Variants in TIGIT observed in about 807,000 individuals in gnomAD.
TIGIT encodes the protein T cell immunoreceptor with Ig and ITIM domains, also known as T-cell immunoreceptor with Ig and ITIM domains.
Under a neutral mutation model 19.6 loss-of-function variants are expected in TIGIT, and 11 were observed. The observed-to-expected ratio is 0.56, with a 90% CI of 0.35 to 0.93. The LOEUF (loss-of-function observed/expected upper bound fraction) is 0.93. Ranked by LOEUF, TIGIT falls within the 40% of genes least tolerant of loss-of-function variation. The pLI is 0.01. For synonymous variants in TIGIT, 130 were observed against 125.5 expected, an observed-to-expected ratio of 1.04 and a Z score of -0.24; for missense variants, 295 against 303.9, an observed-to-expected ratio of 0.97 and a Z score of 0.22.
chr3:114,294,228 G>C, intron 1 of TIGIT, 106 bp downstream of exon 1: 1 of 847,972 alleles, frequency 1.2e-6, no homozygotes, highest in South Asian at 1.8e-5. Flanking sequence ...TGCCACAGCT[G>C]CTTGAGAGAA....
At chr3:114,307,429 T>TGG (rs2078542781) in intron 3 of TIGIT, 2 of 171,330 alleles carry the variant, frequency 1.2e-5, no homozygotes, top group African/African-American at 4.8e-5. Context: ...AGCAGAACCC[T>TGG]GGGGAACCCC....
chr3:114,307,418 G>A (rs574006247), intron 3 of TIGIT, among the ~76,000 whole-genome samples: 34 of 152,298 alleles, frequency 2.2e-4, no homozygotes, highest in Admixed American at 1.3e-3. Context: ...AGAAAGCAGA[G>A]AGCAGAACCC....
intron 3 of TIGIT, among the ~76,000 whole-genome samples, chr3:114,300,810 T>C (rs1384581215): frequency 6.6e-6 from 1 of 152,108 alleles, no homozygotes; most frequent in East Asian, 1.9e-4. Flanking sequence ...ACTCCCATGA[T>C]ACCTAACCCA....
chr3:114,295,810 C>G lies in TIGIT; in HGVS notation c.327C>G (p.Ile109Met). Residue 109 changes from isoleucine (I) to methionine (M), a missense_variant, in exon 2 of 4, where the codon ATC becomes ATG. Transcript: ENST00000383671. Reference sequence around the variant, plus strand: ...ACGATACAGGGGAGTACTTCTGCATCTATCACACCTACCCTGATGGGACGT... The same window carrying G: ...ACGATACAGGGGAGTACTTCTGCATGTATCACACCTACCCTGATGGGACGT... ...TVNDTGEYFCIYHTYPDGTYT... is the reference protein window; with the variant it reads ...TVNDTGEYFCMYHTYPDGTYT... 6.2e-7 allele frequency: 1 copy of G among 1,614,174 alleles called. No individual in the cohort carries two copies. The highest frequency in any genetic ancestry group is 1.1e-5 in the South Asian group (1 of 91,068).
At chr3:114,305,827 TGGTTGGA>T in intron 3 of TIGIT, among the ~76,000 whole-genome samples, 2 of 149,406 alleles carry the variant, frequency 1.3e-5, no homozygotes, top group African/African-American at 4.9e-5. Flanking sequence ...GATGGATGGA[TGGTTGGA>T]TGGATGGATG....
At chr3:114,295,384 CAG>C (rs769284317) in intron 1 of TIGIT, among the ~76,000 whole-genome samples, 159 bp from the exon 2 acceptor site, 6 of 152,098 alleles carry the variant, frequency 3.9e-5, no homozygotes, top group Non-Finnish European at 7.4e-5. Context: ...ATGGAAGAAA[CAG>C]GAAATAATTA....
intron 2 of TIGIT, among the ~76,000 whole-genome samples, chr3:114,298,578 T>A (rs2078469938): frequency 6.6e-6 from 1 of 152,216 alleles, no homozygotes; most frequent in Admixed American, 6.5e-5. Flanking sequence ...GTGCTTTCCA[T>A]CTGTCCTCTT....
chr3:114,296,301 A>G (rs1003950366), intron 2 of TIGIT, among the ~76,000 whole-genome samples: 14 of 152,262 alleles, frequency 9.2e-5, no homozygotes, highest in African/African-American at 3.4e-4. Context: ...GTTTAATTGT[A>G]CAGTAATTTA....
In TIGIT at chr3:114,310,268, T is replaced by C. The variant is rs1190431494; in HGVS notation, c.*2137T>C. ...ATGATAATATTTTGGATGTATTGGG[T>C]GAAATAAAATATTAACATTAGTTTC... On this transcript the variant is annotated 3_prime_UTR_variant, in exon 4 of 4. Transcript: ENST00000383671. The C allele has an allele frequency of 6.6e-6, 1 of 152,214 alleles. No individual in the cohort carries two copies. Among genetic ancestry groups the C allele is most frequent in the Non-Finnish European group, 1.5e-5 (1 of 68,042 alleles). The allele number at this position is 152,214 out of a possible 1,614,324, so 9.4% of individuals were successfully genotyped here.
At chr3:114,306,314 C>T (rs2078534562) in intron 3 of TIGIT, among the ~76,000 whole-genome samples, 1 of 152,164 alleles carries the variant, frequency 6.6e-6, no homozygotes, top group Non-Finnish European at 1.5e-5. Context: ...ACTGACATGC[C>T]AATCTCCTTT....
intron 3 of TIGIT, among the ~76,000 whole-genome samples, chr3:114,305,769 A>G (rs1436662025): frequency 6.6e-6 from 1 of 150,764 alleles, no homozygotes; most frequent in African/African-American, 2.4e-5. Context: ...GACAGAACCA[A>G]TAGGAGATAT....
At chr3:114,294,232 G>T in intron 1 of TIGIT, 110 bp downstream of exon 1, 1 of 829,938 alleles carries the variant, frequency 1.2e-6, no homozygotes, top group South Asian at 1.8e-5. Flanking sequence ...ACAGCTGCTT[G>T]AGAGAAAGAA....
Position 114,308,010 on chromosome 3 carries a change from C to G in TIGIT, c.614C>G (p.Ala205Gly). The G allele has an allele frequency of 6.2e-7, 1 of 1,614,172 alleles. No homozygotes were observed. Among genetic ancestry groups the G allele is most frequent in the Non-Finnish European group, 8.5e-7 (1 of 1,180,026 alleles). ...CCAGGAAGCTGTGTCCAGGCAGAAG[C>G]TGCACCTGCTGGGCTCTGTGGAGAG... ...SPPGSCVQAEAAPAGLCGEQR... is the reference protein window; with the variant it reads ...SPPGSCVQAEGAPAGLCGEQR... Residue 205 changes from alanine (A) to glycine (G), a missense_variant, in exon 4 of 4, where the codon GCT (alanine) becomes GGT (glycine). Coordinates refer to ENST00000383671, the MANE Select transcript of TIGIT (RefSeq NM_173799.4).
At chr3:114,296,052 T>C (rs2078451792) in intron 2 of TIGIT, 178 bp downstream of exon 2, 3 of 580,594 alleles carry the variant, frequency 5.2e-6, no homozygotes, top group African/African-American at 1.9e-5. Flanking sequence ...GAATCCCTAA[T>C]AGCAGAGCTA....
chr3:114,309,549 A>G lies in TIGIT; in HGVS notation c.*1418A>G, dbSNP rs1206578268. On this transcript the variant is annotated 3_prime_UTR_variant, in exon 4 of 4. Transcript: ENST00000383671. The stretch of plus-strand genomic sequence containing the variant: ...GTTTTAGCAACAAGACAATTCAACT[A>G]TTTCTCCTAGGATTTTTATTATTAT... 6.6e-6 allele frequency: 1 copy of G among 152,200 alleles called. No individual in the cohort carries two copies. The highest frequency in any genetic ancestry group is 1.5e-5 in the Non-Finnish European group (1 of 68,036). 9.4% of individuals were successfully genotyped at this position (152,200 alleles called of 1,614,324 possible).
Position 114,308,060 on chromosome 3 carries a change from C to A in TIGIT, c.664C>A (p.Leu222Met), listed in dbSNP as rs948555166. The change falls in exon 4 of 4, where the codon CTG (leucine) becomes ATG (methionine). Residue 222 changes from leucine (L) to methionine (M), a missense_variant. Coordinates refer to ENST00000383671, the MANE Select transcript of TIGIT (RefSeq NM_173799.4). The stretch of plus-strand genomic sequence containing the variant: ...GCAGCGGGGAGAGGACTGTGCCGAG[C>A]TGCATGACTACTTCAATGTCCTGAG... ...GEQRGEDCAE[L>M]HDYFNVLSYR... The A allele has an allele frequency of 2.5e-6, 4 of 1,614,212 alleles. No homozygotes were observed. In the Admixed American group the frequency reaches 5.0e-5, roughly 20 times the overall value.
At chr3:114,298,258 G>A (rs2078467862) in intron 2 of TIGIT, among the ~76,000 whole-genome samples, 1 of 152,124 alleles carries the variant, frequency 6.6e-6, no homozygotes, top group South Asian at 2.1e-4. Flanking sequence ...GGAGACATTG[G>A]TGCTTTTATT....
intron 3 of TIGIT, among the ~76,000 whole-genome samples, chr3:114,303,694 TG>T (rs1358463473): frequency 6.6e-6 from 1 of 151,016 alleles, no homozygotes; most frequent in Non-Finnish European, 1.5e-5. Flanking sequence ...CATTGATTGA[TG>T]GGCATTTGGG....
Position 114,295,786 on chromosome 3 carries a change from C to T in TIGIT, c.303C>T (p.Asn101=), listed in dbSNP as rs750866538. The part of the protein sequence containing the change: ...LGLTLQSLTV[N]DTGEYFCIYH... ...TCACCCTCCAGTCGCTGACCGTGAA[C>T]GATACAGGGGAGTACTTCTGCATCT... Residue 101 remains asparagine (N), a synonymous_variant, in exon 2 of 4, where the codon AAC becomes AAT. Transcript: ENST00000383671. The T allele has an allele frequency of 2.7e-5, 43 of 1,614,044 alleles. No individual in the cohort carries two copies. Among genetic ancestry groups the T allele is most frequent in the Middle Eastern group, 1.6e-4 (1 of 6,084 alleles).
Sources: allele counts gnomAD v4.1 joint callset (sites outside exome capture counted in the v4.1 genomes callset), GRCh38; gene constraint gnomAD v4.1.1; transcripts MANE v1.5; gene names NCBI Gene and HGNC (gene_info 2026-07-23, HGNC 2026-07-21).